VTI1A: variants seen among roughly 807,000 people sequenced by gnomAD.
VTI1A encodes the protein vesicle transport through interaction with t-SNAREs homolog 1A.
VTI1A carries 22 observed loss-of-function variants against 34.9 expected under a neutral mutation model. The ratio of observed to expected loss-of-function variants is 0.63; its 90% CI spans 0.45 to 0.90. The LOEUF (loss-of-function observed/expected upper bound fraction) is 0.90. Among genes scored for constraint, VTI1A ranks in the 40% least tolerant of loss-of-function variants. The probability of loss-of-function intolerance (pLI) is 0.00; values close to 1 mark genes in which losing one functional copy is unlikely to be tolerated. For synonymous variants in VTI1A, 87 were observed against 97.3 expected, an observed-to-expected ratio of 0.89 and a Z score of 0.62; for missense variants, 268 against 275.6, an observed-to-expected ratio of 0.97 and a Z score of 0.20.
chr10:112,762,574 TAACTTC>T (rs1851505014), intron 7 of VTI1A, among the ~76,000 whole-genome samples: 1 of 152,214 alleles, frequency 6.6e-6, no homozygotes, highest in Non-Finnish European at 1.5e-5. Flanking sequence ...TAGGATATTA[TAACTTC>T]AACAGGACTG....
At chr10:112,602,680 C>G (rs1031242321) in intron 5 of VTI1A, among the ~76,000 whole-genome samples, 1 of 152,128 alleles carries the variant, frequency 6.6e-6, no homozygotes, top group Non-Finnish European at 1.5e-5. Context: ...TATCAGGCAG[C>G]CTTTAGGAAG....
At chr10:112,635,303 A>G (rs1437389721) in intron 5 of VTI1A, among the ~76,000 whole-genome samples, 1 of 152,224 alleles carries the variant, frequency 6.6e-6, no homozygotes, top group African/African-American at 2.4e-5. Flanking sequence ...TGCAGAATTC[A>G]TGGCAGATGT....
the VTI1A span, among the ~76,000 whole-genome samples, chr10:112,832,958 C>T: frequency 6.6e-6 from 1 of 152,290 alleles, no homozygotes; most frequent in East Asian, 1.9e-4. Context: ...CTGATACCAG[C>T]ACCAGTTGGG....
chr10:112,482,067 T>A (rs960665349), intron 3 of VTI1A, among the ~76,000 whole-genome samples: 2 of 152,230 alleles, frequency 1.3e-5, no homozygotes, highest in Admixed American at 1.3e-4. Context: ...AGGAAATTAC[T>A]TTTAAAAACT....
chr10:112,733,239 G>A (rs750752872), intron 7 of VTI1A, among the ~76,000 whole-genome samples: 14 of 151,686 alleles, frequency 9.2e-5, no homozygotes, highest in East Asian at 3.9e-4. Context: ...TGCTTTTATC[G>A]TTTTAAAATT....
chr10:112,774,732 C>G (rs1384411054), intron 7 of VTI1A, among the ~76,000 whole-genome samples: 6 of 151,950 alleles, frequency 3.9e-5, no homozygotes, highest in African/African-American at 1.5e-4. Context: ...AGTCAATTAA[C>G]TCTTATTACC....
intron 5 of VTI1A, among the ~76,000 whole-genome samples, chr10:112,652,981 G>T (rs1590028861): frequency 6.6e-6 from 1 of 152,330 alleles, no homozygotes; most frequent in Non-Finnish European, 1.5e-5. Flanking sequence ...GCAGAGATTT[G>T]TTGAAAATGA....
chr10:112,668,120 A>G, intron 5 of VTI1A, 98 bp from the exon 6 acceptor site: 1 of 890,482 alleles, frequency 1.1e-6, no homozygotes, highest in Non-Finnish European at 1.8e-6. Flanking sequence ...TAATGCATGC[A>G]TGCAACTTTA....
intron 7 of VTI1A, among the ~76,000 whole-genome samples, chr10:112,673,115 G>A (rs900943942): frequency 7.9e-5 from 12 of 152,030 alleles, no homozygotes; most frequent in South Asian, 4.1e-4. Flanking sequence ...CCAGGAGTTC[G>A]AAACCAGCCT....
At chr10:112,742,074 C>T (rs1850713190) in intron 7 of VTI1A, among the ~76,000 whole-genome samples, 1 of 152,168 alleles carries the variant, frequency 6.6e-6, no homozygotes, top group Non-Finnish European at 1.5e-5. Flanking sequence ...CTCTAGATTC[C>T]GTTCCCACTT....
intron 7 of VTI1A, among the ~76,000 whole-genome samples, chr10:112,687,998 G>T (rs1848482540): frequency 7.2e-6 from 1 of 138,560 alleles, no homozygotes; most frequent in African/African-American, 2.8e-5. Context: ...CTGTCACCCA[G>T]ACTGGATTGC....
the VTI1A span, among the ~76,000 whole-genome samples, chr10:112,836,315 C>A: frequency 6.6e-6 from 1 of 152,128 alleles, no homozygotes; most frequent in Non-Finnish European, 1.5e-5. Flanking sequence ...CTCTTTAGAA[C>A]TGAAAGGAAG....
intron 5 of VTI1A, among the ~76,000 whole-genome samples, chr10:112,626,393 G>A (rs761557378): frequency 1.8e-5 from 2 of 108,426 alleles, no homozygotes; most frequent in African/African-American, 8.4e-5. Flanking sequence ...CTGTTTATTA[G>A]GCAAATTGAA....
chr10:112,475,012 T>TATC (rs1240669146), intron 3 of VTI1A, among the ~76,000 whole-genome samples: 5 of 152,198 alleles, frequency 3.3e-5, no homozygotes, highest in Non-Finnish European at 7.3e-5. Context: ...TGTGCTTGTG[T>TATC]ATCACCCTGC....
chr10:112,550,519 C>T (rs1851310046), intron 5 of VTI1A, among the ~76,000 whole-genome samples: 1 of 152,078 alleles, frequency 6.6e-6, no homozygotes, highest in Non-Finnish European at 1.5e-5. Context: ...TTTGTGTGTG[C>T]TCTACATTTG....
At chr10:112,622,009 C>CAG (rs371587005) in intron 5 of VTI1A, among the ~76,000 whole-genome samples, 12 of 150,550 alleles carry the variant, frequency 8.0e-5, no homozygotes, top group South Asian at 6.3e-4. Context: ...AAGAAGGAGA[C>CAG]AGAGAGAGAG....
At chr10:112,546,003 C>T (rs1398351033) in intron 5 of VTI1A, among the ~76,000 whole-genome samples, 3 of 135,258 alleles carry the variant, frequency 2.2e-5, no homozygotes, top group African/African-American at 9.9e-5. Flanking sequence ...CGTGTATACG[C>T]GTATGTGTGT....
intron 7 of VTI1A, among the ~76,000 whole-genome samples, chr10:112,797,494 G>A (rs759324601): frequency 2.6e-5 from 4 of 152,060 alleles, no homozygotes; most frequent in African/African-American, 4.8e-5. Flanking sequence ...CAGGGGCCCC[G>A]AGTCCCAAGT....
intron 4 of VTI1A, among the ~76,000 whole-genome samples, chr10:112,536,714 T>C (rs1056128420): frequency 2.6e-5 from 4 of 151,798 alleles, no homozygotes; most frequent in African/African-American, 9.7e-5. Flanking sequence ...CCTATCTCTC[T>C]GTTCTAAATG....
Sources: allele counts gnomAD v4.1 joint callset (sites outside exome capture counted in the v4.1 genomes callset), GRCh38; gene constraint gnomAD v4.1.1; transcripts MANE v1.5; gene names NCBI Gene and HGNC (gene_info 2026-07-23, HGNC 2026-07-21).